Variants in FCHSD2 observed in about 807,000 individuals in gnomAD.
The protein encoded by FCHSD2 is F-BAR and double SH3 domains protein 2.
FCHSD2 carries 38 observed loss-of-function variants against 108.1 expected under a neutral mutation model. The observed-to-expected ratio is 0.35, with a 90% confidence interval of 0.27 to 0.46. The LOEUF (loss-of-function observed/expected upper bound fraction) is 0.46, where lower values mean the gene tolerates loss of function less well. Ranked by LOEUF, FCHSD2 falls within the 20% of genes least tolerant of loss-of-function variation. The pLI is 1.00. For synonymous variants in FCHSD2, 279 were observed against 314.7 expected (o/e 0.89, Z 1.20); for missense variants, 751 against 897.8 (o/e 0.84, Z 2.09).
At chr11:73,075,415 A>G (rs1333845890) in intron 3 of FCHSD2, among the ~76,000 whole-genome samples, 1 of 152,252 alleles carries the variant, frequency 6.6e-6, no homozygotes, top group Non-Finnish European at 1.5e-5. Flanking sequence ...TTATTATCAG[A>G]AACAACAGAC....
At chr11:72,944,413 A>C (rs1389455220) in intron 8 of FCHSD2, among the ~76,000 whole-genome samples, 1 of 152,112 alleles carries the variant, frequency 6.6e-6, no homozygotes, top group South Asian at 2.1e-4. Context: ...AATAATAAGA[A>C]CTATCTATGA....
In FCHSD2 at chr11:72,930,729, C is replaced by T. The variant is rs542113645; in HGVS notation, c.706-8779G>A. 1.2e-4 allele frequency among the ~76,000 whole-genome samples: 18 copies of T among 152,096 alleles called. No individual in the cohort carries two copies. The East Asian group carries it at 3.1e-3, about 26-fold the overall frequency. On this transcript the variant is annotated intron_variant, in intron 8 of 19. Coordinates refer to ENST00000409418, the MANE Select transcript of FCHSD2 (RefSeq NM_014824.3). ...CTGCACTCCAGCCTGGGTGACAGGG[C>T]GAGACTCTGTCTCAAAAACAAAACA...
At chr11:72,958,387 GC>G in intron 8 of FCHSD2, among the ~76,000 whole-genome samples, 1 of 152,110 alleles carries the variant, frequency 6.6e-6, no homozygotes, top group East Asian at 1.9e-4. Flanking sequence ...GCATGGTGGT[GC>G]TGACCTGTAG....
intron 3 of FCHSD2, among the ~76,000 whole-genome samples, chr11:73,072,762 C>T (rs1859465543): frequency 1.3e-5 from 2 of 152,024 alleles, no homozygotes; most frequent in African/African-American, 4.8e-5. Context: ...AACCACACAC[C>T]GCTAAATTAA....
chr11:73,131,059 C>G (rs747059598), intron 2 of FCHSD2, among the ~76,000 whole-genome samples: 5 of 152,142 alleles, frequency 3.3e-5, no homozygotes, highest in African/African-American at 4.8e-5. Context: ...AGTACCTGAT[C>G]TGCTACTTCC....
intron 8 of FCHSD2, among the ~76,000 whole-genome samples, chr11:72,955,589 C>T (rs1484326191): frequency 1.3e-5 from 2 of 152,106 alleles, no homozygotes; most frequent in African/African-American, 2.4e-5. Context: ...TGGCAACCAG[C>T]CCCCATCCTG....
intron 13 of FCHSD2, among the ~76,000 whole-genome samples, chr11:72,857,154 T>C (rs771467333): frequency 6.6e-6 from 1 of 152,222 alleles, no homozygotes; most frequent in Non-Finnish European, 1.5e-5. Context: ...AAGGCTGCAG[T>C]GCCAGCAATA....
At position 72,873,302 on chromosome 11, in the gene FCHSD2, C is replaced by A. The variant is rs1854901650; in HGVS notation, c.1147-5276G>T. On this transcript the variant is annotated intron_variant, in intron 12 of 19. Transcript: ENST00000409418. ...CGAGATCGCGCCACTGCACTCCAGC[C>A]CAGGCAATGGTGTGAGACTCTGTTT... Among the ~76,000 whole-genome samples, 6 of 151,304 alleles carry A rather than the reference C, an allele frequency of 4.0e-5. 1 individual carries two copies. In the South Asian group the frequency reaches 1.3e-3, roughly 32 times the overall value.
intron 3 of FCHSD2, among the ~76,000 whole-genome samples, chr11:73,037,141 G>A (rs1459228889): frequency 2.6e-5 from 4 of 152,092 alleles, no homozygotes; most frequent in Admixed American, 2.6e-4. Flanking sequence ...TTTTAGAACA[G>A]TTTTAGGTTC....
At chr11:73,115,729 A>AT (rs781370599) in intron 2 of FCHSD2, among the ~76,000 whole-genome samples, 9 of 152,250 alleles carry the variant, frequency 5.9e-5, no homozygotes, top group Admixed American at 1.3e-4. Flanking sequence ...CCAAACTGAG[A>AT]TAGGAGTTGA....
At chr11:72,867,724 T>A in intron 13 of FCHSD2, 141 bp downstream of exon 13, 2 of 662,502 alleles carry the variant, frequency 3.0e-6, no homozygotes, top group Non-Finnish European at 5.0e-6. Context: ...AATCAATTAG[T>A]GATAGGCTGA....
intron 8 of FCHSD2, 56 bp downstream of exon 8, chr11:72,984,032 A>G (rs1857264970): frequency 4.2e-6 from 6 of 1,444,716 alleles, no homozygotes; most frequent in African/African-American, 1.4e-5. Flanking sequence ...CACCCAACTT[A>G]AGTTGTTTTT....
intron 8 of FCHSD2, among the ~76,000 whole-genome samples, chr11:72,950,797 C>T (rs1565338197): frequency 6.6e-6 from 1 of 152,192 alleles, no homozygotes; most frequent in Non-Finnish European, 1.5e-5. Context: ...GTAGTAGTTG[C>T]GGTGGAAACT....
chr11:73,080,316 A>AG (rs1302957779), intron 3 of FCHSD2, among the ~76,000 whole-genome samples: 2 of 150,926 alleles, frequency 1.3e-5, no homozygotes, highest in African/African-American at 4.9e-5. Flanking sequence ...AAAAAAAAAA[A>AG]AAAGAAAGAA....
chr11:73,124,575 G>C (rs1860810089), intron 2 of FCHSD2, among the ~76,000 whole-genome samples: 2 of 151,988 alleles, frequency 1.3e-5, no homozygotes, highest in South Asian at 4.2e-4. Flanking sequence ...GGCCAACATG[G>C]TGAAACCCCG....
intron 12 of FCHSD2, among the ~76,000 whole-genome samples, chr11:72,870,085 T>C (rs1357106205): frequency 6.6e-6 from 1 of 152,150 alleles, no homozygotes; most frequent in Admixed American, 6.5e-5. Context: ...TGCGTGCCAG[T>C]CCCTCTGTAA....
At chr11:73,105,400 C>T (rs1410047081) in intron 2 of FCHSD2, among the ~76,000 whole-genome samples, 2 of 152,208 alleles carry the variant, frequency 1.3e-5, no homozygotes, top group Non-Finnish European at 2.9e-5. Flanking sequence ...TAAGACACCA[C>T]CATGCCCCAG....
chr11:72,998,088 G>T (rs1387173863), intron 5 of FCHSD2, among the ~76,000 whole-genome samples: 1 of 152,112 alleles, frequency 6.6e-6, no homozygotes, highest in Non-Finnish European at 1.5e-5. Context: ...AGAAAAAAGG[G>T]TGGAAAACAA....
chr11:73,089,191 T>C (rs952894175), intron 2 of FCHSD2, among the ~76,000 whole-genome samples: 1 of 152,186 alleles, frequency 6.6e-6, no homozygotes, highest in Non-Finnish European at 1.5e-5. Flanking sequence ...ATAATCTCCA[T>C]GTAAGATGAA....
Sources: gnomAD v4.1 joint callset for allele counts (sites outside exome capture counted in the v4.1 genomes callset) on GRCh38, gnomAD v4.1.1 for gene constraint, MANE v1.5 for transcripts, NCBI Gene and HGNC (gene_info 2026-07-23, HGNC 2026-07-21) for gene names.